The following CALN1 variants were observed in gnomAD, a reference collection of about 807,000 sequenced individuals.
The protein encoded by CALN1 is calneuron 1.
A neutral mutation model predicts 30.6 loss-of-function variants in CALN1; 17 were observed. The ratio of observed to expected loss-of-function variants is 0.56; its 90% confidence interval spans 0.38 to 0.83. The LOEUF is 0.83. Among genes scored for constraint, CALN1 ranks in the 40% least tolerant of loss-of-function variants. CALN1 has a pLI of 0.00. For missense variants in CALN1, 291 were observed against 354.9 expected (o/e 0.82, Z 1.45); for synonymous variants, 156 against 131.4 (o/e 1.19, Z -1.28).
At chr7:72,405,003 T>C (rs1307644791) in intron 1 of CALN1, among the ~76,000 whole-genome samples, 2 of 152,142 alleles carry the variant, frequency 1.3e-5, no homozygotes, top group Non-Finnish European at 1.5e-5. Flanking sequence ...GAAACCCCCA[T>C]GGTCTTAGCT....
rs139646597 is a variant in CALN1 at position 72,055,063 on chromosome 7, G to A, written c.389-31294C>T. On this transcript the variant is annotated intron_variant, in intron 4 of 6. Coordinates refer to ENST00000395275, the MANE Select transcript of CALN1 (RefSeq NM_031468.4). ...TGGAAGAGAAATGCTGTTCATGATCGCTGACATCCACAGAGCATTTTTTAT... is the reference window on the plus strand; with the variant it reads ...TGGAAGAGAAATGCTGTTCATGATCACTGACATCCACAGAGCATTTTTTAT... Among the ~76,000 whole-genome samples, 783 of 152,242 alleles carry A rather than the reference G, an allele frequency of 5.1e-3. 15 individuals are homozygous for A. Among genetic ancestry groups the A allele is most frequent in the Middle Eastern group, 0.02 (6 of 294 alleles).
intron 3 of CALN1, among the ~76,000 whole-genome samples, chr7:72,272,244 T>C (rs769010905): frequency 6.6e-6 from 1 of 152,032 alleles, no homozygotes; most frequent in East Asian, 1.9e-4. Context: ...CCCTATGATA[T>C]ACAGAAGAGT....
chr7:72,137,959 T>C (rs10274714), intron 3 of CALN1, among the ~76,000 whole-genome samples: 35,804 of 152,136 alleles, frequency 0.24, 5,207 homozygotes, highest in East Asian at 0.68. Flanking sequence ...GAAAGACATA[T>C]AGGATTTCTT....
chr7:71,827,159 G>T (rs970898721), intron 5 of CALN1, among the ~76,000 whole-genome samples: 6 of 152,160 alleles, frequency 3.9e-5, no homozygotes, highest in African/African-American at 1.4e-4. Context: ...TCAACTTGGC[G>T]TGTCACTTAA....
At chr7:72,253,244 T>A (rs535680627) in intron 3 of CALN1, among the ~76,000 whole-genome samples, 1 of 152,358 alleles carries the variant, frequency 6.6e-6, no homozygotes, top group South Asian at 2.1e-4. Flanking sequence ...AAATTTTTGA[T>A]CATTTTATGA....
At chr7:71,970,812 G>A (rs1057334128) in intron 5 of CALN1, among the ~76,000 whole-genome samples, 1 of 152,094 alleles carries the variant, frequency 6.6e-6, no homozygotes, top group African/African-American at 2.4e-5. Context: ...ATTTGACAAG[G>A]CCCAGTTACT....
chr7:72,012,597 G>A (rs1192540493), intron 5 of CALN1, among the ~76,000 whole-genome samples: 1 of 152,200 alleles, frequency 6.6e-6, no homozygotes, highest in Non-Finnish European at 1.5e-5. Context: ...CAAAATATGA[G>A]TTTTCAGCAT....
At chr7:72,150,267 G>C (rs941263066) in intron 3 of CALN1, among the ~76,000 whole-genome samples, 7 of 152,128 alleles carry the variant, frequency 4.6e-5, no homozygotes, top group South Asian at 4.1e-4. Context: ...TAAATTATTT[G>C]AATCAATAAA....
chr7:72,402,489 G>A (rs1165901591), intron 2 of CALN1, among the ~76,000 whole-genome samples: 2 of 152,134 alleles, frequency 1.3e-5, no homozygotes, highest in Non-Finnish European at 2.9e-5. Flanking sequence ...ACAATTTCAG[G>A]ATGTACCCAT....
intron 1 of CALN1, among the ~76,000 whole-genome samples, chr7:72,440,969 T>C (rs1251088727): frequency 6.6e-6 from 1 of 152,226 alleles, no homozygotes; most frequent in Admixed American, 6.5e-5. Flanking sequence ...TTTTTATGTT[T>C]AGTTTATGAT....
Position 72,278,790 on chromosome 7 carries a change from T to G in CALN1, c.140A>C (p.His47Pro). ...FPTWEKMPFH[H>P]VTAGLLYKGN... is the part of the protein sequence containing the mutation. ...CTTGTACAACAAGCCGGCGGTCACA[T>G]GGTGGAACGGCATCTTTTCCCTGCC... Residue 47 changes from histidine (H) to proline (P), a missense_variant, in exon 3 of 7, where the codon CAT (histidine) becomes CCT (proline). This residue lies in a region of CALN1 where 122 missense variants were observed against 103.2 expected (regional missense o/e 1.18). Coordinates refer to ENST00000395275, the MANE Select transcript of CALN1 (RefSeq NM_031468.4). The G allele has an allele frequency of 1.2e-6, 2 of 1,613,466 alleles. No individual in the cohort carries two copies. The highest frequency in any genetic ancestry group is 8.5e-7 in the Non-Finnish European group (1 of 1,179,506).
intron 3 of CALN1, among the ~76,000 whole-genome samples, chr7:72,205,567 TGTATATATATATATATATA>T (rs1273989803): frequency 8.5e-6 from 1 of 118,204 alleles, no homozygotes; most frequent in Admixed American, 8.9e-5. Context: ...TATATATATA[TGTATATATATATATATATA>T]TTCAGGAGAA....
chr7:72,271,563 T>TAAAAAAAAA (rs1426004146), intron 3 of CALN1, among the ~76,000 whole-genome samples: 1 of 76,310 alleles, frequency 1.3e-5, no homozygotes, highest in African/African-American at 7.9e-5. Flanking sequence ...TGCCTGCCTT[T>TAAAAAAAAA]TAAAAAAAAA....
intron 2 of CALN1, among the ~76,000 whole-genome samples, chr7:72,398,857 C>T (rs1806150363): frequency 6.6e-6 from 1 of 152,166 alleles, no homozygotes; most frequent in Non-Finnish European, 1.5e-5. Context: ...AATTAAACAC[C>T]ATCGATCACA....
At chr7:71,881,747 T>A (rs1792579933) in intron 5 of CALN1, among the ~76,000 whole-genome samples, 1 of 152,118 alleles carries the variant, frequency 6.6e-6, no homozygotes, top group Non-Finnish European at 1.5e-5. Flanking sequence ...ATACACTTAG[T>A]GGCTTACAAC....
chr7:71,811,686 T>C lies in CALN1; in HGVS notation c.502-1194A>G, dbSNP rs887963307. Among the ~76,000 whole-genome samples the C allele has an allele frequency of 8.5e-3, 549 of 64,902 alleles. 4 individuals carry two copies. Among genetic ancestry groups the C allele is most frequent in the African/African-American group, 0.041 (506 of 12,338 alleles). The allele number at this position is 64,902 out of a possible 152,430, so 42.6% of individuals were successfully genotyped here. On this transcript the variant is annotated intron_variant, in intron 5 of 6. Coordinates refer to ENST00000395275, the MANE Select transcript of CALN1 (RefSeq NM_031468.4). Reference sequence around the variant, plus strand: ...GTCGCTTTCTTTTTTCTTTTTTTTTTTTTTTTTCCGAAATGGAGTCTTGCT... The same window carrying C: ...GTCGCTTTCTTTTTTCTTTTTTTTTCTTTTTTTCCGAAATGGAGTCTTGCT...
chr7:72,179,629 T>A (rs947076571), intron 3 of CALN1, among the ~76,000 whole-genome samples: 2 of 152,164 alleles, frequency 1.3e-5, no homozygotes, highest in Admixed American at 6.5e-5. Flanking sequence ...TATATCCACC[T>A]AATTGTCAAA....
chr7:72,189,852 A>G (rs1193224511), intron 3 of CALN1, among the ~76,000 whole-genome samples: 1 of 152,042 alleles, frequency 6.6e-6, no homozygotes, highest in Non-Finnish European at 1.5e-5. Context: ...TACCATGCTA[A>G]TGAATTCCTT....
At position 72,426,224 on chromosome 7, in the gene CALN1, G is replaced by A. The variant is rs575776725; in HGVS notation, c.-225-13949C>T. ...GCCCAGGCCCAGCCCAGCCCAAGGC[G>A]GCTGGCCCATCTAATGCCTGCAAGT... On this transcript the variant is annotated intron_variant, in intron 1 of 6. Coordinates refer to the CALN1 transcript ENST00000395276. Among the ~76,000 whole-genome samples, 82 of 152,338 alleles carry A rather than the reference G, an allele frequency of 5.4e-4. 1 individual carries two copies. The South Asian group carries it at 9.7e-3, about 18-fold the overall frequency.
Sources: allele counts gnomAD v4.1 joint callset (sites outside exome capture counted in the v4.1 genomes callset), GRCh38; gene constraint gnomAD v4.1.1; regional missense constraint gnomAD v4.1.1; transcripts MANE v1.5; gene names NCBI Gene and HGNC (gene_info 2026-07-23, HGNC 2026-07-21).